Variants in EML2 observed in about 807,000 individuals in gnomAD.
EML2 encodes EMAP like 2.
Under a neutral mutation model 84.7 loss-of-function variants are expected in EML2, and 59 were observed. The ratio of observed to expected loss-of-function variants is 0.70; its 90% CI spans 0.56 to 0.86. EML2 has a LOEUF of 0.86. EML2 is among the 40% of genes least tolerant of loss of function. The probability of loss-of-function intolerance (pLI) is 0.00; values close to 1 mark genes in which losing one functional copy is unlikely to be tolerated. For missense variants in EML2, 818 were observed against 855.6 expected, an observed-to-expected ratio of 0.96 and a Z score of 0.55; for synonymous variants, 352 against 348.9, an observed-to-expected ratio of 1.01 and a Z score of -0.10.
chr19:45,621,416 G>T, intron 10 of EML2, 67 bp downstream of exon 10: 2 of 1,575,246 alleles, frequency 1.3e-6, no homozygotes, highest in Non-Finnish European at 1.7e-6. Flanking sequence ...AGGGTCTGGC[G>T]TTGGGAGCCC....
At chr19:45,632,478 CA>C in intron 6 of EML2, 1 of 189,556 alleles carries the variant, frequency 5.3e-6, no homozygotes, top group South Asian at 9.3e-5. Flanking sequence ...CATGCCCAGC[CA>C]AAATAGGATT....
chr19:45,632,866 TG>T lies in EML2; in HGVS notation c.504del (p.Lys169AsnfsTer71). 6.2e-7 allele frequency: 1 copy of T among 1,613,802 alleles called. No homozygotes were observed. The highest frequency in any genetic ancestry group is 8.5e-7 in the Non-Finnish European group (1 of 1,179,888). ...AGGGTGGGCGAAGGACTTACAGATT[TG>T]GAGAAGCCCACACAGCACACGGCTC... ...FDRAVCCVGF[S>X]KSNGGNLLCA... On this transcript the variant is annotated frameshift_variant, in exon 6 of 19. Transcript: ENST00000245925. LOFTEE classifies it high-confidence loss of function.
chr19:45,626,221 A>C (rs1972301070), intron 8 of EML2, among the ~76,000 whole-genome samples: 1 of 150,186 alleles, frequency 6.7e-6, no homozygotes, highest in African/African-American at 2.5e-5. Context: ...CATGTTCCCC[A>C]GGCTGGTCTC....
At chr19:45,633,799 C>A (rs1973374087) in intron 4 of EML2, among the ~76,000 whole-genome samples, 2 of 152,138 alleles carry the variant, frequency 1.3e-5, no homozygotes, top group Admixed American at 6.6e-5. Flanking sequence ...GGCTAGAGTG[C>A]AGTGGCAGGA....
intron 7 of EML2, 67 bp downstream of exon 7, chr19:45,629,884 T>C (rs1355498269): frequency 1.0e-5 from 13 of 1,273,104 alleles, no homozygotes; most frequent in Non-Finnish European, 1.4e-5. Flanking sequence ...TGCAGACTCC[T>C]AACCACTGAG....
intron 7 of EML2, among the ~76,000 whole-genome samples, chr19:45,627,324 T>G (rs1354887964): frequency 4.0e-5 from 6 of 150,124 alleles, no homozygotes; most frequent in African/African-American, 1.5e-4. Flanking sequence ...AGCACAATCT[T>G]GGCTCCTACA....
At chr19:45,645,065 G>A, upstream of EML2, 1 of 624,618 alleles carries the variant, frequency 1.6e-6, no homozygotes, top group Non-Finnish European at 2.8e-6. Context: ...CACCTCGGGA[G>A]TACAGAAGGA....
At chr19:45,614,546 G>T in intron 17 of EML2, 59 bp downstream of exon 17, 1 of 1,457,554 alleles carries the variant, frequency 6.9e-7, no homozygotes, top group South Asian at 1.1e-5. Context: ...GAAACCACCA[G>T]CGGGGATGTC....
chr19:45,629,870 T>C, intron 7 of EML2, 81 bp downstream of exon 7: 1 of 1,129,600 alleles, frequency 8.9e-7, no homozygotes, highest in South Asian at 1.2e-5. Flanking sequence ...CGGGTCTATC[T>C]GATTGCAGAC....
upstream of EML2, chr19:45,641,640 CCCT>C (rs1974517474): frequency 2.0e-6 from 3 of 1,536,092 alleles, no homozygotes; most frequent in African/African-American, 4.1e-5. Context: ...CCAGTCCTTA[CCCT>C]TCCTTTTTGG....
chr19:45,630,936 C>T (rs1482113131), intron 6 of EML2, among the ~76,000 whole-genome samples: 1 of 152,126 alleles, frequency 6.6e-6, no homozygotes, highest in Non-Finnish European at 1.5e-5. Context: ...CTCACTGCAA[C>T]CTCCACCTCC....
chr19:45,636,608 T>G (rs1037961255), intron 3 of EML2, among the ~76,000 whole-genome samples: 15 of 152,178 alleles, frequency 9.9e-5, no homozygotes, highest in African/African-American at 3.4e-4. Context: ...GATGCTGTCA[T>G]GGTCAGCACT....
At chr19:45,633,461 T>G (rs1973321648) in intron 4 of EML2, among the ~76,000 whole-genome samples, 1 of 151,104 alleles carries the variant, frequency 6.6e-6, no homozygotes. Flanking sequence ...TATTCAGTTT[T>G]TTTTTTTTTT....
At chr19:45,615,713 G>T in intron 16 of EML2, 89 bp downstream of exon 16, 1 of 1,166,124 alleles carries the variant, frequency 8.6e-7, no homozygotes, top group Non-Finnish European at 1.3e-6. Context: ...AGGGAGCGAG[G>T]CTTGAAGCCC....
chr19:45,633,348 A>G (rs1008283570), intron 4 of EML2, among the ~76,000 whole-genome samples: 20 of 152,204 alleles, frequency 1.3e-4, no homozygotes, highest in African/African-American at 4.8e-4. Flanking sequence ...CTCAAATGCC[A>G]GCAGGACGCA....
At chr19:45,632,499 A>T (rs551897384) in intron 6 of EML2, 11 of 185,686 alleles carry the variant, frequency 5.9e-5, no homozygotes, top group South Asian at 1.0e-4. Flanking sequence ...TTTTTTTTAA[A>T]AAAAAGCCCA....
At chr19:45,618,590 C>A (rs1971348342) in intron 12 of EML2, among the ~76,000 whole-genome samples, 1 of 152,020 alleles carries the variant, frequency 6.6e-6, no homozygotes, top group South Asian at 2.1e-4. Context: ...ACCTACTCCT[C>A]CAACCCTTCT....
At chr19:45,630,508 C>T (rs1036130872) in intron 6 of EML2, among the ~76,000 whole-genome samples, 6 of 142,380 alleles carry the variant, frequency 4.2e-5, no homozygotes, top group Admixed American at 7.6e-5. Flanking sequence ...GCCAAGATTG[C>T]GCCATTGCAC....
At chr19:45,627,256 C>CCT (rs1160347103) in intron 7 of EML2, among the ~76,000 whole-genome samples, 2 of 135,624 alleles carry the variant, frequency 1.5e-5, no homozygotes, top group East Asian at 4.1e-4. Context: ...TGCGCCCGGC[C>CCT]TTTTTTTTTT....
Sources: allele counts gnomAD v4.1 joint callset (sites outside exome capture counted in the v4.1 genomes callset), GRCh38; gene constraint gnomAD v4.1.1; transcripts MANE v1.5; gene names NCBI Gene and HGNC (gene_info 2026-07-23, HGNC 2026-07-21).